Variants in MSRB3 observed in about 807,000 individuals in gnomAD.
MSRB3 encodes the protein methionine-R-sulfoxide reductase B3.
In MSRB3, 13 loss-of-function variants were observed where a neutral mutation model predicts 21.0. The ratio of observed to expected loss-of-function variants is 0.62; its 90% CI spans 0.40 to 0.98. The LOEUF is 0.98. Among genes scored for constraint, MSRB3 ranks in the 50% least tolerant of loss-of-function variants. The pLI is 0.00. For missense variants in MSRB3, 199 were observed against 230.3 expected, an observed-to-expected ratio of 0.86 and a Z score of 0.88; for synonymous variants, 87 against 88.6, an observed-to-expected ratio of 0.98 and a Z score of 0.10.
At chr12:65,389,637 C>T (rs1268558128) in intron 5 of MSRB3, among the ~76,000 whole-genome samples, 1 of 152,188 alleles carries the variant, frequency 6.6e-6, no homozygotes, top group African/African-American at 2.4e-5. Context: ...CCTTCCCTTT[C>T]TTCCCAGTCT....
At chr12:65,456,039 C>G (rs1883076269) in intron 6 of MSRB3, among the ~76,000 whole-genome samples, 1 of 152,146 alleles carries the variant, frequency 6.6e-6, no homozygotes, top group South Asian at 2.1e-4. Flanking sequence ...GCCCAGCCTG[C>G]AATTTAGTTT....
chr12:65,455,244 TAA>T (rs67490305), intron 6 of MSRB3, among the ~76,000 whole-genome samples: 1,552 of 140,496 alleles, frequency 0.011, 20 homozygotes, highest in African/African-American at 0.033. Flanking sequence ...TTGTTTTTAT[TAA>T]AAAAAAAAAA....
chr12:65,371,528 G>T (rs1045026183), intron 5 of MSRB3, among the ~76,000 whole-genome samples: 1 of 151,414 alleles, frequency 6.6e-6, no homozygotes, highest in Non-Finnish European at 1.5e-5. Context: ...TAAATACTAT[G>T]GTCAGTGACC....
chr12:65,292,448 A>G (rs1872718593), intron 1 of MSRB3, among the ~76,000 whole-genome samples: 1 of 152,224 alleles, frequency 6.6e-6, no homozygotes, highest in South Asian at 2.1e-4. Context: ...CATCGTCATC[A>G]TCATCATCAT....
Position 65,336,165 on chromosome 12 carries a change from A to G in MSRB3, c.263+7562A>G, listed in dbSNP as rs564520440. ...AACTCAACTGAAAACTCAGAGAAAA[A>G]CTACAGCTGGATTGGAAGAAAAGGA... On this transcript the variant is annotated intron_variant, in intron 4 of 6. Coordinates refer to ENST00000308259, the MANE Select transcript of MSRB3 (RefSeq NM_001031679.3). 2.0e-5 allele frequency among the ~76,000 whole-genome samples: 3 copies of G among 152,330 alleles called. No individual in the cohort carries two copies. In the East Asian group the frequency reaches 5.8e-4, roughly 29 times the overall value.
chr12:65,371,050 G>A (rs890709114), intron 5 of MSRB3, among the ~76,000 whole-genome samples: 13 of 152,184 alleles, frequency 8.5e-5, no homozygotes, highest in Middle Eastern at 3.4e-3. Context: ...GCATAGGGCC[G>A]GGCACAGTGG....
At chr12:65,463,060 A>G in intron 6 of MSRB3, 95 bp from the exon 7 acceptor site, 1 of 1,423,132 alleles carries the variant, frequency 7.0e-7, no homozygotes, top group Non-Finnish European at 9.9e-7. Flanking sequence ...TCATTTCTCT[A>G]CAGGCTGGTC....
chr12:65,381,714 C>T (rs76765916), intron 5 of MSRB3, among the ~76,000 whole-genome samples: 2,730 of 151,572 alleles, frequency 0.018, 91 homozygotes, highest in African/African-American at 0.063. Context: ...CATTAATTTC[C>T]CAGGATAGGA....
At chr12:65,357,811 G>A (rs192752502) in intron 4 of MSRB3, among the ~76,000 whole-genome samples, 1 of 152,076 alleles carries the variant, frequency 6.6e-6, no homozygotes, top group East Asian at 1.9e-4. Flanking sequence ...GATCACAGAG[G>A]TTAAGTACCA....
chr12:65,372,419 A>G (rs913465305), intron 5 of MSRB3, among the ~76,000 whole-genome samples: 3 of 152,258 alleles, frequency 2.0e-5, no homozygotes, highest in Non-Finnish European at 4.4e-5. Context: ...TTATAACTCA[A>G]TCACCTAAAG....
At chr12:65,415,320 C>T (rs906267635) in intron 5 of MSRB3, among the ~76,000 whole-genome samples, 1 of 152,184 alleles carries the variant, frequency 6.6e-6, no homozygotes, top group Non-Finnish European at 1.5e-5. Context: ...GAATTTCTTT[C>T]CATGAGCTAT....
chr12:65,384,243 T>C (rs1456567036), intron 5 of MSRB3, among the ~76,000 whole-genome samples: 1 of 152,208 alleles, frequency 6.6e-6, no homozygotes, highest in Non-Finnish European at 1.5e-5. Flanking sequence ...GATTTAATAA[T>C]TTTCCTCTTT....
In MSRB3 at chr12:65,326,899, G is replaced by A; in HGVS notation, c.150G>A (p.Leu50=). The A allele has an allele frequency of 1.2e-6, 2 of 1,613,900 alleles. No homozygotes were observed. The highest frequency in any genetic ancestry group is 1.7e-6 in the Non-Finnish European group (2 of 1,179,884). Residue 50 remains leucine (L), a synonymous_variant, in exon 3 of 7, where the codon CTG becomes CTA. Transcript: ENST00000308259. ...QQELRKRLTP[L]QYHVTQEKGT... ...AACTGAGGAAGCGGCTAACACCCCT[G>A]CAGTACCATGTCACTCAGGAGAAAG...
chr12:65,279,152 C>T, intron 1 of MSRB3: 1 of 1,144,948 alleles, frequency 8.7e-7, no homozygotes, highest in Non-Finnish European at 1.1e-6. Context: ...CGGGAGCGAA[C>T]CTGAACCCGC....
At chr12:65,280,819 A>C (rs941070828) in intron 1 of MSRB3, among the ~76,000 whole-genome samples, 3 of 152,240 alleles carry the variant, frequency 2.0e-5, no homozygotes, top group African/African-American at 7.2e-5. Flanking sequence ...CTAAGATGTT[A>C]ATCCATTAAG....
chr12:65,409,967 A>C (rs1473121023), intron 5 of MSRB3, among the ~76,000 whole-genome samples: 1 of 151,972 alleles, frequency 6.6e-6, no homozygotes, highest in Non-Finnish European at 1.5e-5. Flanking sequence ...TTCCATCTGG[A>C]TTTTATGGGT....
intron 5 of MSRB3, among the ~76,000 whole-genome samples, chr12:65,380,959 C>T (rs1277946486): frequency 2.6e-5 from 4 of 152,154 alleles, no homozygotes. Flanking sequence ...CATACTTGCT[C>T]ACACAGTCAC....
intron 1 of MSRB3, among the ~76,000 whole-genome samples, chr12:65,307,557 T>C (rs1873730658): frequency 6.6e-6 from 1 of 152,156 alleles, no homozygotes; most frequent in South Asian, 2.1e-4. Flanking sequence ...AAAATGCTAA[T>C]TTGAAACAAC....
intron 5 of MSRB3, among the ~76,000 whole-genome samples, chr12:65,387,478 G>A (rs1226917261): frequency 2.0e-5 from 3 of 152,036 alleles, no homozygotes; most frequent in East Asian, 1.9e-4. Flanking sequence ...TGACTAGGGA[G>A]GTTGAATATT....
Sources: allele counts gnomAD v4.1 joint callset (sites outside exome capture counted in the v4.1 genomes callset), GRCh38; gene constraint gnomAD v4.1.1; transcripts MANE v1.5; gene names NCBI Gene and HGNC (gene_info 2026-07-23, HGNC 2026-07-21).